Variants in DNAH2 observed in about 807,000 individuals in gnomAD.
The protein encoded by DNAH2 is dynein axonemal heavy chain 2.
Under a neutral mutation model 523.5 loss-of-function variants are expected in DNAH2, and 323 were observed. The observed-to-expected ratio is 0.62, with a 90% CI of 0.56 to 0.68. DNAH2 has a LOEUF of 0.68. Among genes scored for constraint, DNAH2 ranks in the 30% least tolerant of loss-of-function variants. The pLI is 0.00. For missense variants in DNAH2, 4,907 were observed against 5,701.5 expected, an observed-to-expected ratio of 0.86 and a Z score of 4.49; for synonymous variants, 2,093 against 2,177.4, an observed-to-expected ratio of 0.96 and a Z score of 1.08.
Position 7,776,142 on chromosome 17 carries a change from C to A in DNAH2, c.4940C>A (p.Ala1647Asp). The A allele has an allele frequency of 6.2e-7, 1 of 1,613,486 alleles. No homozygotes were observed. Among genetic ancestry groups the A allele is most frequent in the South Asian group, 1.1e-5 (1 of 91,074 alleles). Reference protein sequence around the residue: ...NKRDKWVKEWAGQVVITASQI... With the variant: ...NKRDKWVKEWDGQVVITASQI... The stretch of plus-strand genomic sequence containing the variant: ...AGGGACAAATGGGTGAAGGAGTGGG[C>A]TGGCCAGGTGAGCTGGGGTCAACAG... The change falls in exon 31 of 86, where the codon GCT (alanine) becomes GAT (aspartate). Residue 1647 changes from alanine to aspartate, a missense_variant. By Grantham distance (126) the Ala-to-Asp change is moderately radical. This residue lies in a region of DNAH2 where 2,806 missense variants were observed against 3,190.8 expected (regional missense o/e 0.88). Transcript: ENST00000572933.
At chr17:7,725,194 A>T (rs574714262) in intron 3 of DNAH2, among the ~76,000 whole-genome samples, 5 of 151,178 alleles carry the variant, frequency 3.3e-5, no homozygotes, top group African/African-American at 1.2e-4. Flanking sequence ...GGCTCAAGTG[A>T]TTCTCATGTC....
At chr17:7,812,695 C>A (rs375254297) in intron 63 of DNAH2, among the ~76,000 whole-genome samples, 1 of 139,082 alleles carries the variant, frequency 7.2e-6, no homozygotes, top group Non-Finnish European at 1.5e-5. Context: ...CCGAGGTGTG[C>A]GGATCACCCA....
chr17:7,820,596 A>G (rs2077823915), intron 72 of DNAH2, among the ~76,000 whole-genome samples: 1 of 152,236 alleles, frequency 6.6e-6, no homozygotes, highest in Admixed American at 6.5e-5. Context: ...TTCCAAGTCC[A>G]GCAGGCAGGG....
At chr17:7,740,667 C>G in intron 10 of DNAH2, 118 bp downstream of exon 10, 1 of 1,540,332 alleles carries the variant, frequency 6.5e-7, no homozygotes, top group African/African-American at 1.4e-5. Context: ...ATTCGGGCGC[C>G]TCTTGTCTTT....
chr17:7,831,240 C>A lies in DNAH2; in HGVS notation c.12385C>A (p.Leu4129Ile), dbSNP rs761650507. 1.2e-6 allele frequency: 2 copies of A among 1,614,184 alleles called. No individual in the cohort carries two copies. Among genetic ancestry groups the A allele is most frequent in the Non-Finnish European group, 1.7e-6 (2 of 1,180,030 alleles). Residue 4129 changes from leucine (L) to isoleucine (I), a missense_variant, in exon 80 of 86, where the codon CTC becomes ATC. By Grantham distance (5) the Leu-to-Ile change is conservative. Coordinates refer to ENST00000572933, the MANE Select transcript of DNAH2 (RefSeq NM_020877.5). This position sits in a 1 kb window ranked among gnomAD's most constrained non-coding sequence, Gnocchi z 4.2. ...VASQITEAQT[L>I]FDTLLSLQPQ... ...CTCTCAGATCACTGAGGCACAAACC[C>A]TCTTTGATACTTTGCTTTCCTTGCA...
intron 12 of DNAH2, among the ~76,000 whole-genome samples, chr17:7,756,210 A>G (rs2075831611): frequency 6.6e-6 from 1 of 151,830 alleles, no homozygotes. Context: ...ACTGCACTCC[A>G]GCCTGGGTGA....
intron 18 of DNAH2, 66 bp from the exon 19 acceptor site, chr17:7,763,765 G>A (rs1048526935): frequency 2.6e-5 from 41 of 1,588,752 alleles, no homozygotes; most frequent in East Asian, 2.5e-4. Context: ...CCTGCAGCCC[G>A]TGTGGGGACA....
intron 56 of DNAH2, 79 bp downstream of exon 56, chr17:7,799,321 A>G: frequency 1.3e-6 from 2 of 1,566,816 alleles, no homozygotes; most frequent in Non-Finnish European, 1.7e-6. Context: ...CCTTCTGGAA[A>G]TTAGTGTCAG....
At chr17:7,787,752 AAAG>A in intron 42 of DNAH2, 105 bp from the exon 43 acceptor site, 1 of 1,393,372 alleles carries the variant, frequency 7.2e-7, no homozygotes, top group Non-Finnish European at 9.5e-7. Flanking sequence ...AAAAAAAAAA[AAAG>A]CAAATCGTTT....
Position 7,781,132 on chromosome 17 carries a change from C to T in DNAH2, c.6094C>T (p.Pro2032Ser). The change falls in exon 39 of 86, where the codon CCC becomes TCC. Residue 2032 changes from proline to serine, a missense_variant. This residue lies in a region of DNAH2 where 2,806 missense variants were observed against 3,190.8 expected (regional missense o/e 0.88). Transcript: ENST00000572933. ...CAATGCCATCGTGCAAGATCTGTTT[C>T]CCAACATTGAGCTGCCTGTCATTGA... ...LFNAIVQDLF[P>S]NIELPVIDYG... 1 of 1,614,206 alleles carries T rather than the reference C, an allele frequency of 6.2e-7. No homozygotes were observed. Among genetic ancestry groups the T allele is most frequent in the South Asian group, 1.1e-5 (1 of 91,084 alleles).
intron 77 of DNAH2, among the ~76,000 whole-genome samples, chr17:7,826,661 T>G (rs1009437897): frequency 6.8e-5 from 10 of 148,112 alleles, no homozygotes; most frequent in African/African-American, 2.5e-4. Flanking sequence ...TGCCTCAGCC[T>G]CCGAGTAGCT....
chr17:7,738,299 C>T (rs575358078), intron 8 of DNAH2, among the ~76,000 whole-genome samples: 5 of 152,098 alleles, frequency 3.3e-5, no homozygotes, highest in African/African-American at 1.2e-4. Context: ...TATCTCATTG[C>T]CCTGGCTTCT....
Position 7,739,897 on chromosome 17 carries a change from C to T in DNAH2, c.1335C>T (p.Ile445=). 6.2e-7 allele frequency: 1 copy of T among 1,613,958 alleles called. No individual in the cohort carries two copies. Among genetic ancestry groups the T allele is most frequent in the Non-Finnish European group, 8.5e-7 (1 of 1,179,930 alleles). The change falls in exon 9 of 86, where the codon ATC becomes ATT. Residue 445 remains isoleucine (I), a synonymous_variant. Transcript: ENST00000572933. ...CGCTGCGAGCCGTTCGCGGGGGTAT[C>T]CTGGATGTCAAGAACACCTGTTGGC... The part of the protein sequence containing the change: ...LHTLRAVRGG[I]LDVKNTCWHE...
In DNAH2 at chr17:7,830,737, G is replaced by A; in HGVS notation, c.12125G>A (p.Gly4042Asp). The stretch of plus-strand genomic sequence containing the variant: ...GACGCACTTAAGTACCTCATTGCCG[G>A]CATCAACTATGGTGGACATGTCACA... ...PWDALKYLIA[G>D]INYGGHVTDD... The change falls in exon 79 of 86, where the codon GGC (glycine) becomes GAC (aspartate). Residue 4042 changes from glycine (G) to aspartate (D), a missense_variant. By Grantham distance (94) the Gly-to-Asp change is moderately conservative. Coordinates refer to ENST00000572933, the MANE Select transcript of DNAH2 (RefSeq NM_020877.5). The A allele has an allele frequency of 6.2e-7, 1 of 1,614,172 alleles. No individual in the cohort carries two copies. The highest frequency in any genetic ancestry group is 1.1e-5 in the South Asian group (1 of 91,086).
chr17:7,795,708 G>A (rs999729696), intron 49 of DNAH2, among the ~76,000 whole-genome samples: 28 of 146,638 alleles, frequency 1.9e-4, no homozygotes, highest in African/African-American at 6.5e-4. Context: ...TATATATATA[G>A]TGTTAAGGCT....
chr17:7,787,751 A>G (rs2076780107), intron 42 of DNAH2, 109 bp from the exon 43 acceptor site: 2 of 1,397,220 alleles, frequency 1.4e-6, no homozygotes, highest in East Asian at 2.4e-5. Context: ...AAAAAAAAAA[A>G]AAAGCAAATC....
In DNAH2 at chr17:7,786,183, C is replaced by A; in HGVS notation, c.6189C>A (p.Thr2063=). The change falls in exon 40 of 86, where the codon ACC becomes ACA. Residue 2063 remains threonine (T), a synonymous_variant. Coordinates refer to ENST00000572933, the MANE Select transcript of DNAH2 (RefSeq NM_020877.5). The surrounding 1 kb of genome is among the most constrained non-coding windows in gnomAD (Gnocchi z 7.5). ...RDMGLQSTPF[T]LTKVFQLYET... ...TGGGCCTGCAAAGCACGCCGTTCACCCTCACCAAGGTTTTCCAGTTGTATG... is the reference window on the plus strand; with the variant it reads ...TGGGCCTGCAAAGCACGCCGTTCACACTCACCAAGGTTTTCCAGTTGTATG... The A allele has an allele frequency of 2.5e-6, 4 of 1,614,076 alleles. No individual in the cohort carries two copies. Among genetic ancestry groups the A allele is most frequent in the Non-Finnish European group, 3.4e-6 (4 of 1,180,024 alleles).
chr17:7,817,917 G>A (rs1168352134), intron 67 of DNAH2, 29 bp from the exon 68 acceptor site: 1 of 1,613,978 alleles, frequency 6.2e-7, no homozygotes, highest in Non-Finnish European at 8.5e-7. Context: ...CTCCCGTAGT[G>A]TTCCTTCACC....
chr17:7,824,209 A>G lies in DNAH2; in HGVS notation c.11567A>G (p.Glu3856Gly), dbSNP rs752778937. ...DPTSALLQLA[E>G]HMGMAQRFHA... ...ACCAGTGCCCTGCTGCAGCTGGCAG[A>G]GCACATGGGCATGGCCCAGCGCTTC... Residue 3856 changes from glutamate (E) to glycine (G), a missense_variant, in exon 76 of 86, where the codon GAG (glutamate) becomes GGG (glycine). Transcript: ENST00000572933. 2.5e-6 allele frequency: 4 copies of G among 1,607,118 alleles called. No homozygotes were observed. The highest frequency in any genetic ancestry group is 1.7e-6 in the Non-Finnish European group (2 of 1,178,164).
Sources: allele counts gnomAD v4.1 joint callset (sites outside exome capture counted in the v4.1 genomes callset), GRCh38; gene constraint gnomAD v4.1.1; regional missense constraint gnomAD v4.1.1; non-coding constraint Gnocchi (gnomAD v3.1); transcripts MANE v1.5; gene names NCBI Gene and HGNC (gene_info 2026-07-23, HGNC 2026-07-21).